RBM27: variants seen among roughly 807,000 people sequenced by gnomAD.
The protein encoded by RBM27 is RNA-binding protein 27.
Under a neutral mutation model 135.3 loss-of-function variants are expected in RBM27, and 22 were observed. That is an observed-to-expected ratio of 0.16 (90% CI 0.12 to 0.23). RBM27 has a LOEUF of 0.23. RBM27 is among the 10% of genes least tolerant of loss of function. The pLI is 1.00. For missense variants in RBM27, 1,009 were observed against 1,281.0 expected, an observed-to-expected ratio of 0.79 and a Z score of 3.24; for synonymous variants, 481 against 442.4, an observed-to-expected ratio of 1.09 and a Z score of -1.10.
At chr5:146,238,234 C>T (rs1479178087) in intron 8 of RBM27, among the ~76,000 whole-genome samples, 8 of 152,046 alleles carry the variant, frequency 5.3e-5, no homozygotes, top group African/African-American at 2.4e-5. Context: ...TTGGGCCAGG[C>T]GCGGTGGCTC....
chr5:146,253,485 T>C (rs962340714), intron 9 of RBM27, among the ~76,000 whole-genome samples: 2 of 152,182 alleles, frequency 1.3e-5, no homozygotes, highest in Non-Finnish European at 2.9e-5. Flanking sequence ...TTTAACATTT[T>C]ATTAGAGGGA....
At chr5:146,214,233 A>G (rs527995355) in intron 1 of RBM27, among the ~76,000 whole-genome samples, 19 of 152,348 alleles carry the variant, frequency 1.2e-4, no homozygotes, top group African/African-American at 4.1e-4. Flanking sequence ...TCTCCATGTT[A>G]TAATAAAAGT....
At chr5:146,267,522 A>C (rs1193811101) in intron 14 of RBM27, 127 bp from the exon 15 acceptor site, 4 of 608,020 alleles carry the variant, frequency 6.6e-6, no homozygotes, top group Non-Finnish European at 8.2e-6. Flanking sequence ...GAAATTTTTA[A>C]ATGTAAAAAG....
At chr5:146,223,329 G>C (rs1581154242) in intron 2 of RBM27, 74 bp from the exon 3 acceptor site, 1 of 1,403,858 alleles carries the variant, frequency 7.1e-7, no homozygotes, top group East Asian at 2.4e-5. Flanking sequence ...GTTTTCCTGA[G>C]CTTTGCTGAC....
chr5:146,234,961 G>A (rs573868736), intron 7 of RBM27, among the ~76,000 whole-genome samples: 2 of 151,626 alleles, frequency 1.3e-5, no homozygotes, highest in Non-Finnish European at 2.9e-5. Context: ...TTGAGCCTGG[G>A]AGACAGGTTG....
chr5:146,231,962 A>C (rs1042158829), intron 6 of RBM27, among the ~76,000 whole-genome samples: 2 of 152,156 alleles, frequency 1.3e-5, no homozygotes, highest in African/African-American at 2.4e-5. Context: ...GAATTTGTAG[A>C]AGTTACTTAC....
intron 2 of RBM27, among the ~76,000 whole-genome samples, chr5:146,221,127 G>A (rs115605398): frequency 0.048 from 6,966 of 144,726 alleles, 219 homozygotes; most frequent in Non-Finnish European, 0.074. Flanking sequence ...AGGCCTGGAC[G>A]ACAGAGCAAG....
chr5:146,217,877 C>T (rs1382424065), intron 1 of RBM27, among the ~76,000 whole-genome samples: 2 of 152,082 alleles, frequency 1.3e-5, no homozygotes, highest in East Asian at 3.9e-4. Context: ...CCCGCCTCAG[C>T]CTCCCGAGTA....
chr5:146,216,691 T>A (rs1292603660), intron 1 of RBM27, among the ~76,000 whole-genome samples: 2 of 152,322 alleles, frequency 1.3e-5, no homozygotes, highest in East Asian at 3.9e-4. Context: ...AGGGTCTCAC[T>A]GTGTATCCCA....
chr5:146,264,403 G>C (rs1758528170), intron 14 of RBM27, among the ~76,000 whole-genome samples: 1 of 151,940 alleles, frequency 6.6e-6, no homozygotes, highest in African/African-American at 2.4e-5. Flanking sequence ...GGCTGGTCTG[G>C]AACTCCGACC....
chr5:146,287,994 A>G lies in RBM27; in HGVS notation c.*1964A>G, dbSNP rs1759650281. The G allele has an allele frequency of 1.3e-5, 2 of 152,130 alleles. No individual in the cohort carries two copies. The highest frequency in any genetic ancestry group is 1.5e-5 in the Non-Finnish European group (1 of 67,950). The allele number at this position is 152,130 out of a possible 1,614,324, so 9.4% of individuals were successfully genotyped here. A position where few individuals can be genotyped will look rare whatever the true frequency, so the allele number is the denominator to read the frequency against. ...CAGTTTAAACGTGATAGAGGGAACA[A>G]AGGATTTATATATTTTTTGTACAAA... On this transcript the variant is annotated 3_prime_UTR_variant, in exon 21 of 21. Transcript: ENST00000265271.
At chr5:146,252,001 T>C in intron 9 of RBM27, 126 bp downstream of exon 9, 1 of 1,061,272 alleles carries the variant, frequency 9.4e-7, no homozygotes, top group South Asian at 1.5e-5. Flanking sequence ...TAGGTAGTTT[T>C]ATTTTCTGCT....
intron 19 of RBM27, among the ~76,000 whole-genome samples, chr5:146,280,057 AT>A (rs58281973): frequency 1.0e-3 from 147 of 144,006 alleles, no homozygotes; most frequent in East Asian, 1.0e-3. Context: ...TATTCCTTTA[AT>A]TTTTTTTTTT....
At chr5:146,204,449 A>C (rs1755538233) in intron 1 of RBM27, among the ~76,000 whole-genome samples, 2 of 152,144 alleles carry the variant, frequency 1.3e-5, no homozygotes, top group South Asian at 4.1e-4. Flanking sequence ...GGGAGGTGAT[A>C]AGTGTGATAG....
At chr5:146,218,494 C>T (rs1348635445) in intron 1 of RBM27, among the ~76,000 whole-genome samples, 1 of 152,138 alleles carries the variant, frequency 6.6e-6, no homozygotes, top group Non-Finnish European at 1.5e-5. Flanking sequence ...TTAAGATACT[C>T]GCTGAGATTA....
intron 20 of RBM27, among the ~76,000 whole-genome samples, chr5:146,284,983 C>T (rs532644203): frequency 6.6e-6 from 1 of 152,128 alleles, no homozygotes; most frequent in Non-Finnish European, 1.5e-5. Flanking sequence ...TTTATTTGAG[C>T]TCTAGAAATT....
At chr5:146,237,486 T>C in intron 8 of RBM27, 54 bp downstream of exon 8, 1 of 1,567,018 alleles carries the variant, frequency 6.4e-7, no homozygotes, top group Non-Finnish European at 8.8e-7. Context: ...AGCCAAGTTG[T>C]CTCATATCAG....
intron 1 of RBM27, among the ~76,000 whole-genome samples, chr5:146,204,231 A>AC (rs1755526567): frequency 6.6e-6 from 1 of 152,216 alleles, no homozygotes; most frequent in Admixed American, 6.5e-5. Flanking sequence ...GGGTTTGATA[A>AC]ACATTATTAT....
chr5:146,269,318 A>G (rs1323989100), intron 16 of RBM27, 37 bp downstream of exon 16: 2 of 1,518,972 alleles, frequency 1.3e-6, no homozygotes, highest in Non-Finnish European at 1.8e-6. Flanking sequence ...GCTAGAATTG[A>G]TGTATAGAAT....
Sources: allele counts gnomAD v4.1 joint callset (sites outside exome capture counted in the v4.1 genomes callset), GRCh38; gene constraint gnomAD v4.1.1; transcripts MANE v1.5; gene names NCBI Gene and HGNC (gene_info 2026-07-23, HGNC 2026-07-21).